The following YEATS4 variants were observed in gnomAD, a reference collection of about 807,000 sequenced individuals.
YEATS4 encodes the protein YEATS domain-containing protein 4.
A neutral mutation model predicts 30.1 loss-of-function variants in YEATS4; 17 were observed. The ratio of observed to expected loss-of-function variants is 0.56; its 90% CI spans 0.39 to 0.85. The LOEUF is 0.85. Among genes scored for constraint, YEATS4 ranks in the 40% least tolerant of loss-of-function variants. YEATS4 has a pLI of 0.00. For synonymous variants in YEATS4, 85 were observed against 87.5 expected (o/e 0.97, Z 0.16); for missense variants, 142 against 268.3 (o/e 0.53, Z 3.29).
chr12:69,411,204 A>T, the YEATS4 span, among the ~76,000 whole-genome samples: 3,648 of 152,254 alleles, frequency 0.024, 135 homozygotes, highest in African/African-American at 0.082. Context: ...ATCACATTTC[A>T]CTGCAGCCTT....
chr12:69,389,177 T>C (rs1868285931), intron 6 of YEATS4, among the ~76,000 whole-genome samples: 1 of 152,072 alleles, frequency 6.6e-6, no homozygotes. Flanking sequence ...GGGCCGGGCC[T>C]GGTGGCTTAT....
intron 6 of YEATS4, among the ~76,000 whole-genome samples, chr12:69,371,691 T>A (rs946666411): frequency 2.0e-5 from 3 of 152,136 alleles, no homozygotes; most frequent in African/African-American, 7.2e-5. Context: ...AGTGCCTGAA[T>A]CAGACAAAAA....
chr12:69,414,089 C>T, the YEATS4 span, among the ~76,000 whole-genome samples: 2 of 152,160 alleles, frequency 1.3e-5, no homozygotes, highest in East Asian at 1.9e-4. Context: ...TGCTATTGCT[C>T]ATCTCACAAG....
At chr12:69,418,246 C>T in the YEATS4 span, among the ~76,000 whole-genome samples, 1 of 152,202 alleles carries the variant, frequency 6.6e-6, no homozygotes, top group Admixed American at 6.5e-5. Context: ...TATTTACTAG[C>T]CAGCCTGGCC....
At chr12:69,374,141 T>TG (rs1232922087) in intron 6 of YEATS4, among the ~76,000 whole-genome samples, 1 of 34,624 alleles carries the variant, frequency 2.9e-5, no homozygotes, top group Non-Finnish European at 7.1e-5. Flanking sequence ...TTAGGTTTTG[T>TG]TTTTTTTTTT....
chr12:69,384,647 TG>T (rs1318309223), intron 6 of YEATS4, among the ~76,000 whole-genome samples: 1 of 152,228 alleles, frequency 6.6e-6, no homozygotes, highest in Non-Finnish European at 1.5e-5. Context: ...GCCTGTTTTT[TG>T]AAAAATTAGA....
intron 6 of YEATS4, among the ~76,000 whole-genome samples, chr12:69,375,164 T>G (rs1302906859): frequency 1.0e-4 from 12 of 116,502 alleles, no homozygotes; most frequent in East Asian, 8.6e-4. Flanking sequence ...CTGCCGGGCG[T>G]AGGGGCTCCT....
chr12:69,399,527 C>G, the YEATS4 span, among the ~76,000 whole-genome samples: 1 of 152,132 alleles, frequency 6.6e-6, no homozygotes, highest in Non-Finnish European at 1.5e-5. Context: ...AATTGAAACT[C>G]TCATATATTT....
chr12:69,394,784 G>A (rs186320043), downstream of YEATS4, among the ~76,000 whole-genome samples: 2 of 152,150 alleles, frequency 1.3e-5, no homozygotes, highest in Non-Finnish European at 2.9e-5. Flanking sequence ...ATATTTTGTA[G>A]AATTTCGCCA....
Position 69,370,932 on chromosome 12 carries a change from A to G in YEATS4, c.471A>G (p.Thr157=). 6.2e-7 allele frequency: 1 copy of G among 1,613,426 alleles called. No individual in the cohort carries two copies. Among genetic ancestry groups the G allele is most frequent in the Non-Finnish European group, 8.5e-7 (1 of 1,179,778 alleles). Residue 157 remains threonine (T), a synonymous_variant, in exon 6 of 7, where the codon ACA becomes ACG. Coordinates refer to ENST00000247843, the MANE Select transcript of YEATS4 (RefSeq NM_006530.4). ...CAATGATGCAACAATTATTGACAAC[A>G]TCTCGTCAGCTAACATTAGGAGCCT... ...PTAMMQQLLT[T]SRQLTLGAYK...
the YEATS4 span, among the ~76,000 whole-genome samples, chr12:69,404,767 A>G: frequency 6.6e-6 from 1 of 152,212 alleles, no homozygotes; most frequent in South Asian, 2.1e-4. Context: ...TCCTCTGGTG[A>G]GAACTGCAAC....
intron 4 of YEATS4, among the ~76,000 whole-genome samples, chr12:69,368,165 C>T (rs1367498290): frequency 6.6e-6 from 1 of 152,086 alleles, no homozygotes; most frequent in Non-Finnish European, 1.5e-5. Context: ...ATAGTTAGCT[C>T]TTACAGAAAA....
chr12:69,363,166 G>T (rs1875296623), intron 2 of YEATS4, among the ~76,000 whole-genome samples: 2 of 151,452 alleles, frequency 1.3e-5, no homozygotes, highest in South Asian at 4.2e-4. Flanking sequence ...CTAATTTTTT[G>T]TATTTTTTGG....
intron 6 of YEATS4, among the ~76,000 whole-genome samples, chr12:69,376,853 CTTT>C (rs1054943466): frequency 1.3e-5 from 2 of 152,140 alleles, no homozygotes; most frequent in South Asian, 2.1e-4. Flanking sequence ...TGCTGGGAGA[CTTT>C]TTACTACAGC....
At chr12:69,393,038 T>C (rs1868327504), downstream of YEATS4, among the ~76,000 whole-genome samples, 2 of 152,238 alleles carry the variant, frequency 1.3e-5, no homozygotes, top group Admixed American at 1.3e-4. Flanking sequence ...AGCATAGATA[T>C]TTGAAATCTC....
intron 6 of YEATS4, among the ~76,000 whole-genome samples, chr12:69,371,814 A>G (rs1237625432): frequency 6.6e-6 from 1 of 152,244 alleles, no homozygotes. Flanking sequence ...AAAGTGGGGC[A>G]GGGAGCATCT....
the YEATS4 span, among the ~76,000 whole-genome samples, chr12:69,407,981 G>A: frequency 7.2e-5 from 11 of 152,184 alleles, no homozygotes; most frequent in Admixed American, 7.2e-4. Context: ...CTCCCAAAGT[G>A]TTGGGATTAC....
At chr12:69,399,581 C>CA in the YEATS4 span, among the ~76,000 whole-genome samples, 1 of 152,196 alleles carries the variant, frequency 6.6e-6, no homozygotes, top group Non-Finnish European at 1.5e-5. Flanking sequence ...GAAAAAGTTT[C>CA]AGAGTTCCTT....
the YEATS4 span, among the ~76,000 whole-genome samples, chr12:69,414,894 G>A: frequency 5.3e-5 from 8 of 152,158 alleles, no homozygotes; most frequent in South Asian, 2.1e-4. Flanking sequence ...CTTTCTCAGC[G>A]GAAATGTTGC....
Sources: allele counts gnomAD v4.1 joint callset (sites outside exome capture counted in the v4.1 genomes callset), GRCh38; gene constraint gnomAD v4.1.1; transcripts MANE v1.5; gene names NCBI Gene and HGNC (gene_info 2026-07-23, HGNC 2026-07-21).